The following IL2RB variants were observed in gnomAD, a reference collection of about 807,000 sequenced individuals.
IL2RB encodes interleukin-2 receptor subunit beta.
IL2RB carries 17 observed loss-of-function variants against 44.2 expected under a neutral mutation model. The ratio of observed to expected loss-of-function variants is 0.38; its 90% CI spans 0.26 to 0.58. The LOEUF (loss-of-function observed/expected upper bound fraction) is 0.58. IL2RB is among the 20% of genes least tolerant of loss of function. The pLI is 0.63. For synonymous variants in IL2RB, 286 were observed against 297.9 expected (o/e 0.96, Z 0.41); for missense variants, 624 against 685.5 (o/e 0.91, Z 1.00).
chr22:37,128,595 G>A lies in IL2RB; in HGVS notation c.1157C>T (p.Pro386Leu), dbSNP rs142845071. The A allele has an allele frequency of 6.2e-6, 10 of 1,614,112 alleles. No individual in the cohort carries two copies. The South Asian group carries it at 9.9e-5, about 16-fold the overall frequency. Residue 386 changes from proline (P) to leucine (L), a missense_variant, in exon 10 of 10, where the codon CCC (proline) becomes CTC (leucine). Coordinates refer to ENST00000216223, the MANE Select transcript of IL2RB (RefSeq NM_000878.5). The surrounding 1 kb of genome is among the most constrained non-coding windows in gnomAD (Gnocchi z 4.5). ...CTCATCAGGGTCTTCCTCTGAGTAG[G>A]GGTCGTAAGTAAAGTACACCTGGCA... ...EACQVYFTYD[P>L]YSEEDPDEGV... is the part of the protein sequence containing the mutation.
chr22:37,144,335 C>CCAGG, intron 1 of IL2RB, 130 bp from the exon 2 acceptor site: 2 of 1,203,688 alleles, frequency 1.7e-6, no homozygotes, highest in Non-Finnish European at 2.3e-6. Flanking sequence ...CAGTCCAGCC[C>CCAGG]CAGGGCCTTT....
intron 7 of IL2RB, among the ~76,000 whole-genome samples, chr22:37,135,802 C>G (rs552225426): frequency 6.6e-6 from 1 of 151,916 alleles, no homozygotes; most frequent in African/African-American, 2.4e-5. Flanking sequence ...GGCTTGAACT[C>G]GAAATGTGGT....
At chr22:37,165,619 A>G (rs897709357) in intron 1 of IL2RB, among the ~76,000 whole-genome samples, 1 of 152,242 alleles carries the variant, frequency 6.6e-6, no homozygotes, top group African/African-American at 2.4e-5. Context: ...TGAGATGTGC[A>G]GATGCTCCTG....
At chr22:37,140,465 C>T (rs1163491209) in intron 4 of IL2RB, among the ~76,000 whole-genome samples, 2 of 152,142 alleles carry the variant, frequency 1.3e-5, no homozygotes, top group Non-Finnish European at 2.9e-5. Context: ...GTCACTATTT[C>T]CATTCTACAG....
At chr22:37,154,322 G>A (rs1310758827), upstream of IL2RB, among the ~76,000 whole-genome samples, 1 of 152,158 alleles carries the variant, frequency 6.6e-6, no homozygotes, top group Admixed American at 6.5e-5. Context: ...CATCCTCTAT[G>A]TAACACCTCA....
rs1252772868 is a variant in IL2RB, at chr22:37,141,889, G to A, written c.282+545C>T. On this transcript the variant is annotated intron_variant, in intron 4 of 9. Transcript: ENST00000216223. This position sits in a 1 kb window ranked among gnomAD's most constrained non-coding sequence, Gnocchi z 4.4. Reference sequence around the variant, plus strand: ...TGGTGAGGTCCCACCTTCAGGCTGGGGAGGGCCTGAAAAACAAGGCCCTTG... The same window carrying A: ...TGGTGAGGTCCCACCTTCAGGCTGGAGAGGGCCTGAAAAACAAGGCCCTTG... Among the ~76,000 whole-genome samples the A allele has an allele frequency of 6.6e-6, 1 of 152,172 alleles. No homozygotes were observed. The highest frequency in any genetic ancestry group is 1.5e-5 in the Non-Finnish European group (1 of 68,006).
At chr22:37,171,720 C>T (rs1328908030) in intron 1 of IL2RB, among the ~76,000 whole-genome samples, 1 of 152,246 alleles carries the variant, frequency 6.6e-6, no homozygotes, top group African/African-American at 2.4e-5. Flanking sequence ...CGCTAGACTG[C>T]AAGCTCCACG....
At chr22:37,161,255 C>T (rs369651797) in intron 1 of IL2RB, among the ~76,000 whole-genome samples, 3 of 152,198 alleles carry the variant, frequency 2.0e-5, no homozygotes, top group Non-Finnish European at 2.9e-5. Context: ...TGTGAGGAAG[C>T]GCCACTTTCA....
intron 4 of IL2RB, among the ~76,000 whole-genome samples, chr22:37,140,262 G>A (rs8184955): frequency 6.6e-6 from 1 of 151,152 alleles, no homozygotes; most frequent in Non-Finnish European, 1.5e-5. Context: ...ATGGGGGCTA[G>A]ATTTTCCCCG....
intron 3 of IL2RB, 69 bp from the exon 4 acceptor site, chr22:37,142,581 T>A (rs1026133146): frequency 6.8e-7 from 1 of 1,472,604 alleles, no homozygotes; most frequent in African/African-American, 1.4e-5. Context: ...GGGACTCTTC[T>A]CAGATCTCTC....
In IL2RB at chr22:37,128,618, G is replaced by A. The variant is rs1242755855; in HGVS notation, c.1134C>T (p.Cys378=). The A allele has an allele frequency of 5.0e-6, 8 of 1,613,996 alleles. No homozygotes were observed. The highest frequency in any genetic ancestry group is 6.8e-6 in the Non-Finnish European group (8 of 1,179,976). ...AGGGGTCGTAAGTAAAGTACACCTGGCAGGCCTCTATCTCCAAGGCATCCG... is the reference window on the plus strand; with the variant it reads ...AGGGGTCGTAAGTAAAGTACACCTGACAGGCCTCTATCTCCAAGGCATCCG... ...HLPDALEIEA[C]QVYFTYDPYS... Residue 378 remains cysteine (C), a synonymous_variant, in exon 10 of 10, where the codon TGC becomes TGT. Coordinates refer to ENST00000216223, the MANE Select transcript of IL2RB (RefSeq NM_000878.5). This position sits in a 1 kb window ranked among gnomAD's most constrained non-coding sequence, Gnocchi z 4.5.
chr22:37,171,263 G>A (rs1393779541), intron 1 of IL2RB, among the ~76,000 whole-genome samples: 2 of 152,048 alleles, frequency 1.3e-5, no homozygotes, highest in East Asian at 1.9e-4. Flanking sequence ...GATTACAGTT[G>A]TGAGTCGTCA....
chr22:37,154,133 T>A (rs562072664), upstream of IL2RB, among the ~76,000 whole-genome samples: 70 of 152,246 alleles, frequency 4.6e-4, no homozygotes, highest in African/African-American at 1.6e-3. Flanking sequence ...GCCCCTGAGA[T>A]GTGCAGCAGC....
rs114542628 is a variant in IL2RB at position 37,143,604 on chromosome 22, C to T, written c.120G>A (p.Ser40=). ...GTSQFTCFYN[S]RANISCVWSQ... is the part of the protein sequence containing the mutation. The stretch of plus-strand genomic sequence containing the variant: ...TCCAGACACAGGAGATGTTGGCTCT[C>T]GAGTTGTAGAAGCATGTGAACTGGG... Residue 40 remains serine, a synonymous_variant, in exon 3 of 10, where the codon TCG becomes TCA. Coordinates refer to ENST00000216223, the MANE Select transcript of IL2RB (RefSeq NM_000878.5). The T allele has an allele frequency of 1.2e-3, 1,872 of 1,613,956 alleles. 15 individuals are homozygous for T. In the African/African-American group the frequency reaches 0.02, roughly 18 times the overall value.
intron 1 of IL2RB, among the ~76,000 whole-genome samples, chr22:37,160,187 G>A (rs770418643): frequency 3.9e-5 from 6 of 152,206 alleles, no homozygotes; most frequent in Non-Finnish European, 8.8e-5. Flanking sequence ...GTGTCTGACT[G>A]GCCAGGACAC....
chr22:37,148,011 G>A (rs1283004903), intron 1 of IL2RB, among the ~76,000 whole-genome samples: 1 of 152,222 alleles, frequency 6.6e-6, no homozygotes, highest in African/African-American at 2.4e-5. Flanking sequence ...GCCTCAGGAT[G>A]ACCCCATGCC....
chr22:37,128,832 GGCGAAGAGA>G lies in IL2RB; in HGVS notation c.911_919del (p.Leu304_Ser306del). The G allele has an allele frequency of 6.2e-7, 1 of 1,604,882 alleles. No homozygotes were observed. The highest frequency in any genetic ancestry group is 8.5e-7 in the Non-Finnish European group (1 of 1,173,000). Reference sequence around the variant, plus strand: ...AGGGCTGAAGGACGATGAGGGGAAGGGCGAAGAGAGCCACTTCTGGTGGGAGAAAGGCCA... The same window carrying G: ...AGGGCTGAAGGACGATGAGGGGAAGGGCCACTTCTGGTGGGAGAAAGGCCA... On this transcript the variant is annotated inframe_deletion, in exon 10 of 10. Coordinates refer to ENST00000216223, the MANE Select transcript of IL2RB (RefSeq NM_000878.5). This position sits in a 1 kb window ranked among gnomAD's most constrained non-coding sequence, Gnocchi z 4.5.
At chr22:37,132,027 C>A (rs2146228652) in intron 9 of IL2RB, among the ~76,000 whole-genome samples, 1 of 152,324 alleles carries the variant, frequency 6.6e-6, no homozygotes, top group South Asian at 2.1e-4. Flanking sequence ...AACCACTGCA[C>A]CCAGCCTGAT....
At chr22:37,134,905 T>C (rs771191302) in intron 8 of IL2RB, among the ~76,000 whole-genome samples, 9 of 152,106 alleles carry the variant, frequency 5.9e-5, no homozygotes, top group Non-Finnish European at 1.2e-4. Flanking sequence ...TCAGTGAATA[T>C]GGGAATAAGC....
Sources: allele counts gnomAD v4.1 joint callset (sites outside exome capture counted in the v4.1 genomes callset), GRCh38; gene constraint gnomAD v4.1.1; non-coding constraint Gnocchi (gnomAD v3.1); transcripts MANE v1.5; gene names NCBI Gene and HGNC (gene_info 2026-07-23, HGNC 2026-07-21).